The following CROCC2 variants were observed in gnomAD, a reference collection of about 807,000 sequenced individuals.
CROCC2 encodes the protein ciliary rootlet coiled-coil, rootletin family member 2.
Under a neutral mutation model 177.6 loss-of-function variants are expected in CROCC2, and 163 were observed. That is an observed-to-expected ratio of 0.92 (90% CI 0.81 to 1.05). The LOEUF (loss-of-function observed/expected upper bound fraction) is 1.05. Among genes scored for constraint, CROCC2 ranks in the 50% least tolerant of loss-of-function variants. CROCC2 has a pLI of 0.00. For missense variants in CROCC2, 1,929 were observed against 1,797.8 expected (o/e 1.07, Z -1.32); for synonymous variants, 904 against 787.3 (o/e 1.15, Z -2.48).
chr2:240,992,880 G>T (rs1034476361), intron 31 of CROCC2, among the ~76,000 whole-genome samples, 186 bp from the exon 32 acceptor site: 3 of 152,242 alleles, frequency 2.0e-5, no homozygotes, highest in Non-Finnish European at 4.4e-5. Context: ...CATAGAGGGG[G>T]CCTCCCGCTC....
chr2:240,964,386 G>A, intron 21 of CROCC2, 80 bp from the exon 22 acceptor site: 2 of 1,487,090 alleles, frequency 1.3e-6, no homozygotes, highest in Admixed American at 4.0e-5. Flanking sequence ...TGCCTCACTA[G>A]GGGAGGCAGA....
At chr2:240,959,271 G>A in intron 19 of CROCC2, 30 bp from the exon 20 acceptor site, 3 of 1,547,432 alleles carry the variant, frequency 1.9e-6, no homozygotes, top group Non-Finnish European at 2.6e-6. Flanking sequence ...CAGCTCCCTG[G>A]TGCCACCGTG....
intron 14 of CROCC2, among the ~76,000 whole-genome samples, chr2:240,937,696 G>T (rs1182494674): frequency 6.6e-6 from 1 of 152,178 alleles, no homozygotes; most frequent in Non-Finnish European, 1.5e-5. Flanking sequence ...GGACAGCAGG[G>T]GTTCTCCACG....
chr2:240,950,299 C>T (rs757956459), intron 17 of CROCC2, 35 bp from the exon 18 acceptor site: 111 of 1,536,522 alleles, frequency 7.2e-5, no homozygotes, highest in Non-Finnish European at 9.3e-5. Flanking sequence ...CCTCACCTGC[C>T]GGACCTCACA....
Position 240,933,310 on chromosome 2 carries a change from G to C in CROCC2, c.1431G>C (p.Gln477His). ...TGGAGGCCCAGAGGCTCGAGGTGCA[G>C]CAGTGCCGGGCATCCTGCAAGCTCC... is the stretch of plus-strand genomic sequence containing the variant. ...GQLEAQRLEV[Q>H]QCRASCKLLG... The change falls in exon 10 of 32, where the codon CAG becomes CAC. Residue 477 changes from glutamine (Q) to histidine (H), a missense_variant. By Grantham distance (24) the Gln-to-His change is conservative (BLOSUM62 0). Transcript: ENST00000690015. 11 of 1,536,576 alleles carry C rather than the reference G, an allele frequency of 7.2e-6. No individual in the cohort carries two copies. Among genetic ancestry groups the C allele is most frequent in the Non-Finnish European group, 8.7e-6 (10 of 1,142,904 alleles).
In CROCC2 at chr2:240,953,239, G is replaced by A. The variant is rs552519345; in HGVS notation, c.2830-2620G>A. Among the ~76,000 whole-genome samples the A allele has an allele frequency of 9.9e-5, 14 of 140,902 alleles. No homozygotes were observed. Among genetic ancestry groups the A allele is most frequent in the Admixed American group, 4.0e-4 (6 of 14,884 alleles). 92.4% of individuals were successfully genotyped at this position (140,902 alleles called of 152,430 possible). A position where few individuals can be genotyped will look rare whatever the true frequency, so the allele number is the denominator to read the frequency against. On this transcript the variant is annotated intron_variant, in intron 18 of 31. Coordinates refer to ENST00000690015, the MANE Select transcript of CROCC2 (RefSeq NM_001351305.2). This position sits in a 1 kb window ranked among gnomAD's most constrained non-coding sequence, Gnocchi z 4.0. ...AGTGTGGCCAACATGGTGAAACCCC[G>A]TCTCTACTAAAAAAAAAATACAAAA...
chr2:240,949,686 A>G lies in CROCC2; in HGVS notation c.2636A>G (p.Gln879Arg), dbSNP rs1311458497. 6.5e-7 allele frequency: 1 copy of G among 1,545,144 alleles called. No individual in the cohort carries two copies. The highest frequency in any genetic ancestry group is 2.5e-5 in the East Asian group (1 of 40,766). ...QALAHREALAQLQREKETLSL... is the reference protein window; with the variant it reads ...QALAHREALARLQREKETLSL... ...TTGGCCCACCGAGAGGCCCTGGCAC[A>G]GCTCCAAAGGGAGAAGGTCTGCTTC... The change falls in exon 17 of 32, where the codon CAG (glutamine) becomes CGG (arginine). Residue 879 changes from glutamine (Q) to arginine (R), a missense_variant. Coordinates refer to ENST00000690015, the MANE Select transcript of CROCC2 (RefSeq NM_001351305.2). The surrounding 1 kb of genome is among the most constrained non-coding windows in gnomAD (Gnocchi z 4.5).
intron 22 of CROCC2, among the ~76,000 whole-genome samples, chr2:240,964,985 A>G (rs2059669893): frequency 6.6e-6 from 1 of 152,142 alleles, no homozygotes. Context: ...CAGGCAGGCT[A>G]GAGGGGAGGC....
chr2:240,972,380 C>T lies in CROCC2; in HGVS notation c.4401+4118C>T, dbSNP rs554553656. On this transcript the variant is annotated intron_variant, in intron 27 of 31. Coordinates refer to ENST00000690015, the MANE Select transcript of CROCC2 (RefSeq NM_001351305.2). This position sits in a 1 kb window ranked among gnomAD's most constrained non-coding sequence, Gnocchi z 7.1. ...GGTGGGAGCGGCGCTCTCCGGTGCA[C>T]GGTCACGGTGCGGTCCTCCACCTCC... Among the ~76,000 whole-genome samples, 73 of 151,198 alleles carry T rather than the reference C, an allele frequency of 4.8e-4. No individual in the cohort carries two copies. Among genetic ancestry groups the T allele is most frequent in the Admixed American group, 1.7e-3 (26 of 15,056 alleles).
intron 3 of CROCC2, 31 bp downstream of exon 3, chr2:240,920,165 G>T: frequency 1.6e-6 from 1 of 626,478 alleles, no homozygotes; most frequent in Non-Finnish European, 2.9e-6. Context: ...CAGGGCAGGC[G>T]GGAGGTGGCA....
Position 240,949,515 on chromosome 2 carries a change from T to C in CROCC2, c.2483-18T>C. 2 of 1,548,452 alleles carry C rather than the reference T, an allele frequency of 1.3e-6. No individual in the cohort carries two copies. Reference sequence around the variant, plus strand: ...TCCACATGCCAGGCCCTGGTGCATCTCACCCATCACCCCACAGTGGAAATG... The same window carrying C: ...TCCACATGCCAGGCCCTGGTGCATCCCACCCATCACCCCACAGTGGAAATG... On this transcript the variant is annotated intron_variant, in intron 16 of 31. Coordinates refer to ENST00000690015, the MANE Select transcript of CROCC2 (RefSeq NM_001351305.2). This position sits in a 1 kb window ranked among gnomAD's most constrained non-coding sequence, Gnocchi z 4.5.
chr2:240,913,499 T>C (rs1193845100), intron 1 of CROCC2, among the ~76,000 whole-genome samples: 1 of 152,208 alleles, frequency 6.6e-6, no homozygotes, highest in Non-Finnish European at 1.5e-5. Flanking sequence ...GCAGGAGCAG[T>C]GCGCTGTGTC....
chr2:240,975,708 C>T (rs116508280), intron 27 of CROCC2, among the ~76,000 whole-genome samples: 10,994 of 147,888 alleles, frequency 0.074, 528 homozygotes, highest in Middle Eastern at 0.14. Flanking sequence ...ATCCAGCATC[C>T]AACCAGCCTG....
At chr2:240,989,554 C>A in intron 29 of CROCC2, 100 bp from the exon 30 acceptor site, 3 of 1,180,030 alleles carry the variant, frequency 2.5e-6, no homozygotes, top group Non-Finnish European at 2.4e-6. Flanking sequence ...GGCAGTGGGG[C>A]CCACAAGGAC....
Position 240,937,781 on chromosome 2 carries a change from G to A in CROCC2, c.2169+2193G>A, listed in dbSNP as rs368360335. Among the ~76,000 whole-genome samples, 314 of 152,276 alleles carry A rather than the reference G, an allele frequency of 2.1e-3. 9 individuals carry two copies. The South Asian group carries it at 0.062, about 30-fold the overall frequency. On this transcript the variant is annotated intron_variant, in intron 14 of 31. Transcript: ENST00000690015. The stretch of plus-strand genomic sequence containing the variant: ...ATCTGTCTCCCCACTTAAATCTCAT[G>A]TCAAATTGGAGGAGGGGCCTGGTGG...
intron 31 of CROCC2, 49 bp downstream of exon 31, chr2:240,991,327 A>G (rs2059878126): frequency 6.7e-6 from 10 of 1,499,008 alleles, no homozygotes; most frequent in Non-Finnish European, 9.0e-6. Flanking sequence ...TTCAGCCCTG[A>G]CTGGCCAGGG....
chr2:240,958,190 G>A lies in CROCC2; in HGVS notation c.2944-1111G>A, dbSNP rs1482009619. 24 of 985,212 alleles carry A rather than the reference G, an allele frequency of 2.4e-5. No homozygotes were observed. Among genetic ancestry groups the A allele is most frequent in the South Asian group, 4.7e-5 (1 of 21,282 alleles). 61.0% of individuals were successfully genotyped at this position (985,212 alleles called of 1,614,324 possible). A position where few individuals can be genotyped will look rare whatever the true frequency, so the allele number is the denominator to read the frequency against. On this transcript the variant is annotated intron_variant, in intron 19 of 31. Coordinates refer to ENST00000690015, the MANE Select transcript of CROCC2 (RefSeq NM_001351305.2). The surrounding 1 kb of genome is among the most constrained non-coding windows in gnomAD (Gnocchi z 6.7). ...GGCGCCAGATGACAGGACAGCGTGC[G>A]CCCCTAGGCTGAGTCACCACTGCCA...
Position 240,932,832 on chromosome 2 carries a change from T to A in CROCC2, c.1175T>A (p.Ile392Asn). Residue 392 changes from isoleucine (I) to asparagine (N), a missense_variant, in exon 9 of 32, where the codon ATC becomes AAC. Around this residue, in one of 3 missense-constraint regions of CROCC2, gnomAD observed 1,397 missense variants for 1,239.9 expected, o/e 1.13. Coordinates refer to ENST00000690015, the MANE Select transcript of CROCC2 (RefSeq NM_001351305.2). Reference sequence around the variant, plus strand: ...CATCAAGGGGCGTCCCCACCACACATCTGCTCCCCAGCCACCCTGGACCCC... The same window carrying A: ...CATCAAGGGGCGTCCCCACCACACAACTGCTCCCCAGCCACCCTGGACCCC... ...SPHQGASPPH[I>N]CSPATLDPAL... The A allele has an allele frequency of 6.5e-7, 1 of 1,544,322 alleles. No homozygotes were observed. The highest frequency in any genetic ancestry group is 2.0e-5 in the Admixed American group (1 of 50,376).
rs146413755 is a variant in CROCC2, at chr2:240,943,527, G to A, written c.2170-2533G>A. Among the ~76,000 whole-genome samples, 961 of 146,076 alleles carry A rather than the reference G, an allele frequency of 6.6e-3. 5 individuals carry two copies. The highest frequency in any genetic ancestry group is 0.023 in the African/African-American group (888 of 39,104). On this transcript the variant is annotated intron_variant, in intron 14 of 31. Transcript: ENST00000690015. ...TTTTTAAGCAGAGTCTTGCTCTGTC[G>A]CCCAGGATGGAGTGCAATGGGGTGA...
Sources: gnomAD v4.1 joint callset for allele counts (sites outside exome capture counted in the v4.1 genomes callset) on GRCh38, gnomAD v4.1.1 for gene constraint, gnomAD v4.1.1 regional missense constraint, Gnocchi (gnomAD v3.1) non-coding constraint, MANE v1.5 for transcripts, NCBI Gene and HGNC (gene_info 2026-07-23, HGNC 2026-07-21) for gene names.